GRTP1: variants seen among roughly 807,000 people sequenced by gnomAD.
The protein encoded by GRTP1 is growth hormone-regulated TBC protein 1.
A neutral mutation model predicts 38.1 loss-of-function variants in GRTP1; 56 were observed. That is an observed-to-expected ratio of 1.47 (90% CI 1.19 to 1.84). GRTP1 has a LOEUF of 1.84. Ranked by LOEUF, GRTP1 falls within the 40% of genes most tolerant of loss-of-function variation. The probability of loss-of-function intolerance (pLI) is 0.00; values close to 1 mark genes in which losing one functional copy is unlikely to be tolerated. For synonymous variants in GRTP1, 217 were observed against 189.5 expected, an observed-to-expected ratio of 1.14 and a Z score of -1.19; for missense variants, 506 against 453.9, an observed-to-expected ratio of 1.11 and a Z score of -1.04.
intron 3 of GRTP1, among the ~76,000 whole-genome samples, chr13:113,352,285 T>C (rs1250687766): frequency 2.6e-4 from 17 of 64,936 alleles, no homozygotes; most frequent in Admixed American, 6.7e-4. Flanking sequence ...TATATATTTA[T>C]ATATATTTAT....
intron 5 of GRTP1, among the ~76,000 whole-genome samples, chr13:113,337,563 C>T (rs1001673341): frequency 2.0e-5 from 3 of 152,234 alleles, no homozygotes; most frequent in East Asian, 1.9e-4. Context: ...CAAGAGGCCT[C>T]GGATTGTACA....
At chr13:113,328,810 G>A (rs1595473536) in intron 5 of GRTP1, among the ~76,000 whole-genome samples, 1 of 152,204 alleles carries the variant, frequency 6.6e-6, no homozygotes, top group African/African-American at 2.4e-5. Context: ...CCATTCCCAG[G>A]GGCGTCTCCC....
chr13:113,327,780 AT>A (rs1261957736), intron 5 of GRTP1, among the ~76,000 whole-genome samples: 14 of 152,330 alleles, frequency 9.2e-5, no homozygotes, highest in Admixed American at 7.8e-4. Flanking sequence ...GTGAAGAACC[AT>A]CAATCAGTGC....
chr13:113,354,369 C>A (rs1272204324), intron 3 of GRTP1, among the ~76,000 whole-genome samples: 1 of 152,178 alleles, frequency 6.6e-6, no homozygotes, highest in African/African-American at 2.4e-5. Context: ...GCAGGATGCA[C>A]CATGTCCTCC....
chr13:113,363,356 A>T (rs533468356), intron 2 of GRTP1, among the ~76,000 whole-genome samples: 29 of 152,250 alleles, frequency 1.9e-4, no homozygotes, highest in African/African-American at 7.0e-4. Context: ...TACAGGCAGG[A>T]GCCACCACGC....
At chr13:113,360,885 C>T (rs923000862) in intron 2 of GRTP1, among the ~76,000 whole-genome samples, 5 of 152,026 alleles carry the variant, frequency 3.3e-5, no homozygotes, top group Non-Finnish European at 5.9e-5. Flanking sequence ...CTGAGGTGGG[C>T]GGATCACTGG....
At chr13:113,361,607 G>A (rs1358955392) in intron 2 of GRTP1, 1 of 152,124 alleles carries the variant, frequency 6.6e-6, no homozygotes, top group Non-Finnish European at 1.5e-5. Flanking sequence ...GACTTCCCAC[G>A]GACTTCCCCT....
In GRTP1 at chr13:113,348,231, C is replaced by T. The variant is rs893165314; in HGVS notation, c.465+2618G>A. ...CTGTGAGAGGTAGAGGCAGGAGGAT[C>T]GCCTGAGCTCAGGAGTTCAAGACCA... On this transcript the variant is annotated intron_variant, in intron 4 of 7. Coordinates refer to ENST00000375431, the MANE Select transcript of GRTP1 (RefSeq NM_024719.4). The surrounding 1 kb of genome is among the most constrained non-coding windows in gnomAD (Gnocchi z 4.8). 1.3e-5 allele frequency among the ~76,000 whole-genome samples: 2 copies of T among 152,104 alleles called. No individual in the cohort carries two copies. Among genetic ancestry groups the T allele is most frequent in the Admixed American group, 6.5e-5 (1 of 15,270 alleles).
At chr13:113,356,958 G>A (rs556767569) in intron 2 of GRTP1, among the ~76,000 whole-genome samples, 3 of 152,306 alleles carry the variant, frequency 2.0e-5, no homozygotes, top group East Asian at 1.9e-4. Context: ...CAAGGACAAC[G>A]AGGGAAGACC....
Position 113,346,282 on chromosome 13 carries a change from CTGAG to C in GRTP1, c.466-1327_466-1324del, listed in dbSNP as rs1421770662. Among the ~76,000 whole-genome samples, 75 of 53,522 alleles carry C rather than the reference CTGAG, an allele frequency of 1.4e-3. 6 individuals are homozygous for C. Among genetic ancestry groups the C allele is most frequent in the East Asian group, 4.8e-3 (10 of 2,070 alleles). 35.1% of individuals were successfully genotyped at this position (53,522 alleles called of 152,430 possible). Reference sequence around the variant, plus strand: ...AGCAGATCCGGGAGGACCTCTGTGGCTGAGCGGATCTGGGAGGACCTCTGTGGCA... The same window carrying C: ...AGCAGATCCGGGAGGACCTCTGTGGCCGGATCTGGGAGGACCTCTGTGGCA... On this transcript the variant is annotated intron_variant, in intron 4 of 7. Transcript: ENST00000375431.
At chr13:113,338,571 G>A (rs2042985669) in intron 5 of GRTP1, among the ~76,000 whole-genome samples, 1 of 152,178 alleles carries the variant, frequency 6.6e-6, no homozygotes, top group Non-Finnish European at 1.5e-5. Context: ...CTTGCTGGCG[G>A]ACTGTGTATG....
chr13:113,325,918 C>T lies in GRTP1; in HGVS notation c.735+1G>A. 6.2e-7 allele frequency: 1 copy of T among 1,614,018 alleles called. No homozygotes were observed. The highest frequency in any genetic ancestry group is 8.5e-7 in the Non-Finnish European group (1 of 1,179,962). ...CCCCAGGGCCCGAGTGAGGCGCTCA[C>T]CTCCACGGGCAAGATGTCCACAAAC... On this transcript the variant is annotated splice_donor_variant, in intron 6 of 7. Coordinates refer to ENST00000375431, the MANE Select transcript of GRTP1 (RefSeq NM_024719.4). LOFTEE classifies it high-confidence loss of function.
At chr13:113,363,035 G>A (rs1057268888) in intron 2 of GRTP1, among the ~76,000 whole-genome samples, 26 of 152,324 alleles carry the variant, frequency 1.7e-4, no homozygotes, top group Admixed American at 2.6e-4. Context: ...ACTCCAGCAG[G>A]GGCTGTGCTG....
intron 3 of GRTP1, 177 bp from the exon 4 acceptor site, chr13:113,351,150 AG>A: frequency 6.7e-6 from 2 of 299,766 alleles, no homozygotes; most frequent in South Asian, 1.3e-4. Context: ...GCCAGGAAGG[AG>A]GGGGTGATCC....
intron 2 of GRTP1, among the ~76,000 whole-genome samples, chr13:113,363,115 C>T (rs1004340513): frequency 6.6e-6 from 1 of 152,212 alleles, no homozygotes; most frequent in Non-Finnish European, 1.5e-5. Flanking sequence ...GGGGGCCCTG[C>T]AGCTAACCCC....
chr13:113,333,830 ATTTATTTAGTGT>A lies in GRTP1; in HGVS notation c.563-7751_563-7740del, dbSNP rs1185757684. On this transcript the variant is annotated intron_variant, in intron 5 of 7. Coordinates refer to ENST00000375431, the MANE Select transcript of GRTP1 (RefSeq NM_024719.4). ...TATTTATTTATTTATTTATTTATTT[ATTTATTTAGTGT>A]GTGTGTGTGTGTGTGTGTGTGTGTG... 6.6e-4 allele frequency among the ~76,000 whole-genome samples: 66 copies of A among 99,780 alleles called. 1 individual carries two copies. Among genetic ancestry groups the A allele is most frequent in the African/African-American group, 2.7e-3 (66 of 24,240 alleles). 65.5% of individuals were successfully genotyped at this position (99,780 alleles called of 152,430 possible).
chr13:113,348,347 A>G lies in GRTP1; in HGVS notation c.465+2502T>C, dbSNP rs2043205328. Among the ~76,000 whole-genome samples, 1 of 152,158 alleles carries G rather than the reference A, an allele frequency of 6.6e-6. No homozygotes were observed. Among genetic ancestry groups the G allele is most frequent in the African/African-American group, 2.4e-5 (1 of 41,430 alleles). ...GCACCTGTGGTCCCAGCTACTCAGG[A>G]GGCCAAGGTGGGAAAATCGCTTGAG... On this transcript the variant is annotated intron_variant, in intron 4 of 7. Coordinates refer to ENST00000375431, the MANE Select transcript of GRTP1 (RefSeq NM_024719.4). This position sits in a 1 kb window ranked among gnomAD's most constrained non-coding sequence, Gnocchi z 4.8.
At position 113,330,694 on chromosome 13, in the gene GRTP1, AGGTGTGTGCATGGAAACCCG is replaced by A. The variant is rs1247103128; in HGVS notation, c.563-4623_563-4604del. Reference sequence around the variant, plus strand: ...AACCCAGGTGTGTGCATGGGAGCCCAGGTGTGTGCATGGAAACCCGGGTGTGTGCATGGAAACCCAGGTGT... The same window carrying A: ...AACCCAGGTGTGTGCATGGGAGCCCAGGTGTGTGCATGGAAACCCAGGTGT... On this transcript the variant is annotated intron_variant, in intron 5 of 7. Coordinates refer to ENST00000375431, the MANE Select transcript of GRTP1 (RefSeq NM_024719.4). Among the ~76,000 whole-genome samples the A allele has an allele frequency of 3.1e-4, 33 of 105,058 alleles. 12 individuals are homozygous for A. The highest frequency in any genetic ancestry group is 5.4e-4 in the African/African-American group (15 of 27,666). The allele number at this position is 105,058 out of a possible 152,430, so 68.9% of individuals were successfully genotyped here. A position where few individuals can be genotyped will look rare whatever the true frequency, so the allele number is the denominator to read the frequency against.
chr13:113,328,559 G>A (rs1433161951), intron 5 of GRTP1, among the ~76,000 whole-genome samples: 2 of 152,154 alleles, frequency 1.3e-5, no homozygotes, highest in Non-Finnish European at 2.9e-5. Flanking sequence ...TCACTCTGTC[G>A]CCCAAGCTGG....
Sources: gnomAD v4.1 joint callset for allele counts (sites outside exome capture counted in the v4.1 genomes callset) on GRCh38, gnomAD v4.1.1 for gene constraint, Gnocchi (gnomAD v3.1) non-coding constraint, MANE v1.5 for transcripts, NCBI Gene and HGNC (gene_info 2026-07-23, HGNC 2026-07-21) for gene names.